The following SEC14L1 variants were observed in gnomAD, a reference collection of about 807,000 sequenced individuals.
SEC14L1 encodes the protein SEC14 like lipid binding 1.
SEC14L1 carries 48 observed loss-of-function variants against 85.3 expected under a neutral mutation model. That is an observed-to-expected ratio of 0.56 (90% confidence interval 0.45 to 0.72). The LOEUF (loss-of-function observed/expected upper bound fraction) is 0.72, where lower values mean the gene tolerates loss of function less well. SEC14L1 is among the 30% of genes least tolerant of loss of function. SEC14L1 has a pLI of 0.00. For missense variants in SEC14L1, 682 were observed against 921.4 expected (o/e 0.74, Z 3.36); for synonymous variants, 391 against 355.5 (o/e 1.10, Z -1.12).
At chr17:77,126,019 C>T (rs1263866126) in intron 3 of SEC14L1, among the ~76,000 whole-genome samples, 3 of 152,280 alleles carry the variant, frequency 2.0e-5, no homozygotes, top group Non-Finnish European at 2.9e-5. Flanking sequence ...TGTATGGTGG[C>T]GCATGCCTGT....
intron 3 of SEC14L1, among the ~76,000 whole-genome samples, chr17:77,132,687 C>T (rs1002783053): frequency 6.6e-6 from 1 of 152,132 alleles, no homozygotes; most frequent in Non-Finnish European, 1.5e-5. Context: ...CTGGCCCTGA[C>T]TCTCAGCATT....
intron 3 of SEC14L1, among the ~76,000 whole-genome samples, chr17:77,144,053 G>A (rs537398107): frequency 2.6e-5 from 4 of 152,186 alleles, no homozygotes. Flanking sequence ...CACTTTAGGT[G>A]GTGTTAGAAC....
intron 3 of SEC14L1, among the ~76,000 whole-genome samples, chr17:77,128,586 G>A (rs1048917660): frequency 5.9e-5 from 9 of 151,676 alleles, no homozygotes; most frequent in African/African-American, 1.5e-4. Flanking sequence ...AGCCTCCTGA[G>A]TAGCTGGGAT....
At chr17:77,198,232 A>T (rs1473531144) in intron 8 of SEC14L1, among the ~76,000 whole-genome samples, 1 of 152,252 alleles carries the variant, frequency 6.6e-6, no homozygotes. Flanking sequence ...GAGGCAAATA[A>T]ATACAAAATA....
In SEC14L1 at chr17:77,213,624, T is replaced by G; in HGVS notation, c.2042+132T>G. ...GAATGCTTGGAGGGCCAGGAGGGAG[T>G]GGCTTTGGGGTCATTTGTTGGCACG... On this transcript the variant is annotated intron_variant, in intron 16 of 16. Transcript: ENST00000436233. The surrounding 1 kb of genome is among the most constrained non-coding windows in gnomAD (Gnocchi z 7.1). 9.1e-7 allele frequency: 1 copy of G among 1,100,544 alleles called. No homozygotes were observed. Among genetic ancestry groups the G allele is most frequent in the Non-Finnish European group, 1.3e-6 (1 of 747,854 alleles). The allele number at this position is 1,100,544 out of a possible 1,614,324, so 68.2% of individuals were successfully genotyped here.
At chr17:77,172,138 A>T (rs538462316) in intron 3 of SEC14L1, among the ~76,000 whole-genome samples, 2 of 152,136 alleles carry the variant, frequency 1.3e-5, no homozygotes, top group Admixed American at 6.5e-5. Flanking sequence ...ACCAGGGGGA[A>T]GATAACAAAC....
chr17:77,173,865 A>G (rs1006990123), intron 3 of SEC14L1, among the ~76,000 whole-genome samples: 1 of 146,712 alleles, frequency 6.8e-6, no homozygotes, highest in African/African-American at 2.5e-5. Flanking sequence ...GTGAGGCTCA[A>G]CCTCTCTTAC....
At chr17:77,119,609 T>A (rs1301828444) in intron 3 of SEC14L1, among the ~76,000 whole-genome samples, 1 of 152,196 alleles carries the variant, frequency 6.6e-6, no homozygotes, top group East Asian at 1.9e-4. Flanking sequence ...AAAGAGTATG[T>A]ATTTGATGAA....
intron 13 of SEC14L1, among the ~76,000 whole-genome samples, chr17:77,208,444 CTGTT>C (rs1976577178): frequency 6.6e-6 from 1 of 152,188 alleles, no homozygotes; most frequent in African/African-American, 2.4e-5. Context: ...CGCGTTGTGC[CTGTT>C]TGTCACATGC....
intron 3 of SEC14L1, among the ~76,000 whole-genome samples, chr17:77,133,109 G>T (rs2143454357): frequency 6.6e-6 from 1 of 152,202 alleles, no homozygotes; most frequent in South Asian, 2.1e-4. Flanking sequence ...CTGGGCTCAA[G>T]TGATCCTCCT....
intron 3 of SEC14L1, among the ~76,000 whole-genome samples, chr17:77,102,334 C>T (rs542765124): frequency 6.6e-6 from 1 of 152,212 alleles, no homozygotes; most frequent in Non-Finnish European, 1.5e-5. Flanking sequence ...TTACAGTTCA[C>T]GTGGGTGGCT....
In SEC14L1 at chr17:77,209,505, C is replaced by T; in HGVS notation, c.1611+29C>T. 4 of 1,609,192 alleles carry T rather than the reference C, an allele frequency of 2.5e-6. No homozygotes were observed. In the African/African-American group the frequency reaches 4.0e-5, roughly 16 times the overall value. On this transcript the variant is annotated intron_variant, in intron 14 of 16. Transcript: ENST00000436233. ...CGTCCTCCGCCTTCCTGCACCTGGG[C>T]CGGCCCTTCCTCCGCAGAGGGCCTG...
In SEC14L1 at chr17:77,184,878, G is replaced by A. The variant is rs558006166; in HGVS notation, c.64-5925G>A. ...CTGCTTACATACTTTGTAGAAACTC[G>A]CGTGGCTTGTAGCTCATGCTGAAAA... On this transcript the variant is annotated intron_variant, in intron 3 of 16. Coordinates refer to ENST00000436233, the MANE Select transcript of SEC14L1 (RefSeq NM_001143998.2). 2.3e-3 allele frequency among the ~76,000 whole-genome samples: 355 copies of A among 152,254 alleles called. 1 individual carries two copies. The highest frequency in any genetic ancestry group is 4.5e-3 in the African/African-American group (185 of 41,542).
intron 3 of SEC14L1, among the ~76,000 whole-genome samples, chr17:77,115,882 T>G (rs796725151): frequency 2.0e-5 from 3 of 151,928 alleles, no homozygotes; most frequent in African/African-American, 7.2e-5. Context: ...GTTTATTGTT[T>G]GGTAAAGAAA....
At chr17:77,095,731 C>A (rs1410583161) in intron 3 of SEC14L1, among the ~76,000 whole-genome samples, 5 of 151,968 alleles carry the variant, frequency 3.3e-5, no homozygotes, top group African/African-American at 1.2e-4. Flanking sequence ...GCATGAGAAT[C>A]AGTTGAACCC....
At chr17:77,123,283 TCATGATCCA>T (rs1313751494) in intron 3 of SEC14L1, among the ~76,000 whole-genome samples, 2 of 151,790 alleles carry the variant, frequency 1.3e-5, no homozygotes, top group Admixed American at 1.3e-4. Context: ...TCTCTTGACC[TCATGATCCA>T]CCTGCCTCGG....
At chr17:77,146,782 C>T (rs940109219) in intron 3 of SEC14L1, among the ~76,000 whole-genome samples, 4 of 151,978 alleles carry the variant, frequency 2.6e-5, no homozygotes, top group Admixed American at 2.0e-4. Context: ...TTTTTAAATC[C>T]GAAAATGAAA....
chr17:77,123,919 T>A (rs1972369208), intron 3 of SEC14L1, among the ~76,000 whole-genome samples: 1 of 152,230 alleles, frequency 6.6e-6, no homozygotes. Context: ...TTTATAATTT[T>A]AAAATTTTCA....
chr17:77,129,881 C>T (rs1032171618), intron 3 of SEC14L1, among the ~76,000 whole-genome samples: 2 of 152,086 alleles, frequency 1.3e-5, no homozygotes, highest in Admixed American at 6.6e-5. Context: ...GTTTATGACC[C>T]GCAGCTGCAC....
Sources: gnomAD v4.1 joint callset for allele counts (sites outside exome capture counted in the v4.1 genomes callset) on GRCh38, gnomAD v4.1.1 for gene constraint, Gnocchi (gnomAD v3.1) non-coding constraint, MANE v1.5 for transcripts, NCBI Gene and HGNC (gene_info 2026-07-23, HGNC 2026-07-21) for gene names.